Variants in CAMKK2 observed in about 807,000 individuals in gnomAD.
CAMKK2 encodes the protein calcium/calmodulin-dependent protein kinase kinase 2.
In CAMKK2, 30 loss-of-function variants were observed where a neutral mutation model predicts 67.2. That is an observed-to-expected ratio of 0.45 (90% confidence interval 0.33 to 0.61). CAMKK2 has a LOEUF of 0.61. CAMKK2 is among the 20% of genes least tolerant of loss of function. The pLI, the probability that CAMKK2 is intolerant of heterozygous loss-of-function variation, is 0.02. For missense variants in CAMKK2, 643 were observed against 802.0 expected (o/e 0.80, Z 2.39); for synonymous variants, 322 against 326.2 (o/e 0.99, Z 0.14).
At chr12:121,289,716 A>C (rs1449621673) in intron 1 of CAMKK2, among the ~76,000 whole-genome samples, 1 of 152,114 alleles carries the variant, frequency 6.6e-6, no homozygotes, top group Admixed American at 6.5e-5. Flanking sequence ...TACATGGTGA[A>C]ACCTCGTCTC....
At chr12:121,272,191 T>C (rs1184930063) in intron 2 of CAMKK2, among the ~76,000 whole-genome samples, 1 of 152,202 alleles carries the variant, frequency 6.6e-6, no homozygotes, top group African/African-American at 2.4e-5. Context: ...CTCTACCCAA[T>C]AGAAGTGAAA....
At chr12:121,272,169 TA>T (rs745618738) in intron 2 of CAMKK2, among the ~76,000 whole-genome samples, 3 of 152,334 alleles carry the variant, frequency 2.0e-5, no homozygotes, top group South Asian at 4.1e-4. Flanking sequence ...ACATCTACCG[TA>T]CCACAGGCCA....
rs549533598 is a variant in CAMKK2, at chr12:121,248,801, C to T, written c.1324-67G>A. On this transcript the variant is annotated intron_variant, in intron 13 of 16. Transcript: ENST00000404169. The stretch of plus-strand genomic sequence containing the variant: ...GCTACCGGGGGGCCCTGCCAGCGAG[C>T]GGAGCCACAAGGGCATGCAGGACGG... The T allele has an allele frequency of 7.5e-6, 12 of 1,591,762 alleles. No homozygotes were observed. In the South Asian group the frequency reaches 7.7e-5, roughly 10 times the overall value.
chr12:121,244,578 G>A lies in CAMKK2; in HGVS notation c.1591C>T (p.Leu531Phe), dbSNP rs767392357. The change falls in exon 16 of 17, where the codon CTC (leucine) becomes TTC (phenylalanine). Residue 531 changes from leucine (L) to phenylalanine (F), a missense_variant. By Grantham distance (22) the Leu-to-Phe change is conservative. Coordinates refer to ENST00000404169, the MANE Select transcript of CAMKK2 (RefSeq NM_001270485.2). ...CACAGGCAGGCGGGCGTTACCTTGA[G>A]CTCAGACAGGGACTCACATTCCCTG... ...PTRECESLSE[L>F]KEARQRRQPP... 3 of 1,561,216 alleles carry A rather than the reference G, an allele frequency of 1.9e-6. No individual in the cohort carries two copies. Among genetic ancestry groups the A allele is most frequent in the African/African-American group, 1.4e-5 (1 of 73,678 alleles).
rs1207121718 is a variant in CAMKK2 at position 121,269,557 on chromosome 12, C to T, written c.544G>A (p.Ala182Thr). 40 of 1,607,888 alleles carry T rather than the reference C, an allele frequency of 2.5e-5. No individual in the cohort carries two copies. Among genetic ancestry groups the T allele is most frequent in the Non-Finnish European group, 3.3e-5 (39 of 1,176,598 alleles). Residue 182 changes from alanine to threonine, a missense_variant, in exon 4 of 17, where the codon GCC becomes ACC. By Grantham distance (58) the Ala-to-Thr change is moderately conservative. This residue lies in a region of CAMKK2 where 483 missense variants were observed against 625.8 expected (regional missense o/e 0.77). Coordinates refer to ENST00000404169, the MANE Select transcript of CAMKK2 (RefSeq NM_001270485.2). ...GKGSYGVVKL[A>T]YNENDNTYYA... ...TAGGTATTGTCATTTTCATTGTAGG[C>T]CAACTTGACGACACCATAGGAGCCC... is the stretch of plus-strand genomic sequence containing the variant.
intron 6 of CAMKK2, among the ~76,000 whole-genome samples, chr12:121,262,825 G>T (rs2136318813): frequency 6.6e-6 from 1 of 152,228 alleles, no homozygotes; most frequent in East Asian, 1.9e-4. Flanking sequence ...CTCCCAAAGT[G>T]CTGGGATTAT....
At chr12:121,252,473 T>C (rs541556595) in intron 11 of CAMKK2, among the ~76,000 whole-genome samples, 188 bp downstream of exon 11, 1 of 152,236 alleles carries the variant, frequency 6.6e-6, no homozygotes, top group Non-Finnish European at 1.5e-5. Context: ...TTTCACCATG[T>C]TGGCCAAGCT....
At chr12:121,289,582 G>A (rs978652118) in intron 1 of CAMKK2, among the ~76,000 whole-genome samples, 6 of 152,114 alleles carry the variant, frequency 3.9e-5, no homozygotes, top group African/African-American at 9.7e-5. Flanking sequence ...ATCAGAAAAC[G>A]AGCATAATTT....
At chr12:121,265,126 T>A (rs1268052602) in intron 5 of CAMKK2, among the ~76,000 whole-genome samples, 2 of 152,098 alleles carry the variant, frequency 1.3e-5, no homozygotes, top group Non-Finnish European at 2.9e-5. Flanking sequence ...CAATAGGCAG[T>A]CACAAGGATG....
intron 6 of CAMKK2, 192 bp from the exon 7 acceptor site, chr12:121,260,547 C>T (rs1246804954): frequency 1.2e-5 from 7 of 593,904 alleles, no homozygotes; most frequent in African/African-American, 3.8e-5. Flanking sequence ...AATGGCTATT[C>T]GGAAAATAAA....
Position 121,270,957 on chromosome 12 carries a change from G to A in CAMKK2, c.472-12C>T, listed in dbSNP as rs776391645. On this transcript the variant is annotated splice_polypyrimidine_tract_variant and intron_variant, in intron 2 of 16. Transcript: ENST00000404169. ...AGCTGCACACAGTCCTAGAGAGTAA[G>A]GAGAGACACGTGCAAAATGAATTTT... The A allele has an allele frequency of 1.9e-6, 3 of 1,611,410 alleles. No homozygotes were observed. Among genetic ancestry groups the A allele is most frequent in the Non-Finnish European group, 2.5e-6 (3 of 1,177,770 alleles).
At chr12:121,275,571 G>A (rs1329632448) in intron 1 of CAMKK2, among the ~76,000 whole-genome samples, 2 of 150,754 alleles carry the variant, frequency 1.3e-5, no homozygotes, top group East Asian at 3.9e-4. Flanking sequence ...TATGCTAACT[G>A]AAGGAAGCCA....
chr12:121,287,911 G>A (rs7975274), intron 1 of CAMKK2, among the ~76,000 whole-genome samples: 4 of 152,142 alleles, frequency 2.6e-5, no homozygotes, highest in Non-Finnish European at 5.9e-5. Context: ...GGTTGGGGCT[G>A]TACTGAGCTA....
chr12:121,245,077 G>C lies in CAMKK2; in HGVS notation c.1553+63C>G, dbSNP rs1345338078. ...GACCTGTGCAGAGTGGTCTGGGCAG[G>C]GCTGCCCCAAGCCTAGCCTCCAGCC... is the stretch of plus-strand genomic sequence containing the variant. On this transcript the variant is annotated intron_variant, in intron 15 of 16. Coordinates refer to ENST00000404169, the MANE Select transcript of CAMKK2 (RefSeq NM_001270485.2). The surrounding 1 kb of genome is among the most constrained non-coding windows in gnomAD (Gnocchi z 5.8). The C allele has an allele frequency of 9.3e-6, 11 of 1,187,020 alleles. No homozygotes were observed. Among genetic ancestry groups the C allele is most frequent in the African/African-American group, 4.5e-5 (3 of 66,008 alleles). 73.5% of individuals were successfully genotyped at this position (1,187,020 alleles called of 1,614,324 possible). A position where few individuals can be genotyped will look rare whatever the true frequency, so the allele number is the denominator to read the frequency against.
intron 16 of CAMKK2, among the ~76,000 whole-genome samples, 174 bp downstream of exon 16, chr12:121,244,398 GC>G (rs1391615665): frequency 6.6e-6 from 1 of 152,334 alleles, no homozygotes; most frequent in East Asian, 1.9e-4. Flanking sequence ...TTGGGTCCAA[GC>G]CCCCGAGGCC....
intron 7 of CAMKK2, among the ~76,000 whole-genome samples, chr12:121,259,960 A>AT: frequency 6.6e-6 from 1 of 152,304 alleles, no homozygotes. Flanking sequence ...GCCCATGCCT[A>AT]TAATCCAGCT....
chr12:121,248,609 G>A lies in CAMKK2; in HGVS notation c.1449C>T (p.Thr483=), dbSNP rs200794906. Residue 483 remains threonine (T), a synonymous_variant, in exon 14 of 17, where the codon ACC becomes ACT. Transcript: ENST00000404169. ...NSVKHIPSLA[T]VILVKTMIRK... is the part of the protein sequence containing the mutation. ...GTCAGGGGTCCATCCACCTTACCAC[G>A]GTTGCCAAGCTGGGAATGTGTTTGA... The A allele has an allele frequency of 5.0e-5, 81 of 1,614,022 alleles. 1 individual carries two copies. The highest frequency in any genetic ancestry group is 4.1e-4 in the South Asian group (37 of 91,088).
chr12:121,266,744 G>A (rs936233558), intron 5 of CAMKK2, among the ~76,000 whole-genome samples: 3 of 151,524 alleles, frequency 2.0e-5, no homozygotes, highest in Non-Finnish European at 2.9e-5. Context: ...CACCCGCCTC[G>A]GCCTCCCAAA....
intron 10 of CAMKK2, 138 bp from the exon 11 acceptor site, chr12:121,252,852 G>T: frequency 1.3e-6 from 1 of 787,470 alleles, no homozygotes; most frequent in South Asian, 1.7e-5. Flanking sequence ...TAGGCTCTGG[G>T]GCAGGCACAG....
Sources: allele counts gnomAD v4.1 joint callset (sites outside exome capture counted in the v4.1 genomes callset), GRCh38; gene constraint gnomAD v4.1.1; regional missense constraint gnomAD v4.1.1; non-coding constraint Gnocchi (gnomAD v3.1); transcripts MANE v1.5; gene names NCBI Gene and HGNC (gene_info 2026-07-23, HGNC 2026-07-21).